The following GRIK4 variants were observed in gnomAD, a reference collection of about 807,000 sequenced individuals.
GRIK4 encodes glutamate ionotropic receptor kainate type subunit 4.
Under a neutral mutation model 104.9 loss-of-function variants are expected in GRIK4, and 40 were observed. That is an observed-to-expected ratio of 0.38 (90% CI 0.30 to 0.50). GRIK4 has a LOEUF of 0.50. Ranked by LOEUF, GRIK4 falls within the 20% of genes least tolerant of loss-of-function variation. The pLI, the probability that GRIK4 is intolerant of heterozygous loss-of-function variation, is 0.93. For missense variants in GRIK4, 1,047 were observed against 1,308.1 expected (o/e 0.80, Z 3.08); for synonymous variants, 485 against 524.9 (o/e 0.92, Z 1.04).
At chr11:120,918,420 A>G (rs1943156879) in intron 13 of GRIK4, among the ~76,000 whole-genome samples, 1 of 152,148 alleles carries the variant, frequency 6.6e-6, no homozygotes, top group South Asian at 2.1e-4. Context: ...TTTTACTTTC[A>G]TAGAGTTCAC....
At chr11:120,693,375 G>T (rs1286926866) in intron 3 of GRIK4, among the ~76,000 whole-genome samples, 1 of 152,140 alleles carries the variant, frequency 6.6e-6, no homozygotes, top group Non-Finnish European at 1.5e-5. Flanking sequence ...AAAGTGCTGG[G>T]ATTGCAGGCA....
chr11:120,858,477 G>A (rs1192204392), intron 8 of GRIK4: 1 of 152,202 alleles, frequency 6.6e-6, no homozygotes, highest in Non-Finnish European at 1.5e-5. Flanking sequence ...AAAACCCATA[G>A]TCCTGCTTTG....
chr11:120,646,478 G>A (rs1949544019), intron 1 of GRIK4, among the ~76,000 whole-genome samples: 1 of 152,160 alleles, frequency 6.6e-6, no homozygotes. Context: ...TGTGAGTGGA[G>A]GGAGTGGGGG....
intron 13 of GRIK4, among the ~76,000 whole-genome samples, chr11:120,925,770 C>T (rs1387502425): frequency 1.3e-5 from 2 of 151,944 alleles, no homozygotes; most frequent in East Asian, 1.9e-4. Context: ...CGGGAGTTCA[C>T]GACCAGTCTG....
At position 120,833,843 on chromosome 11, in the gene GRIK4, T is replaced by G. The variant is rs988798967; in HGVS notation, c.690+1813T>G. Among the ~76,000 whole-genome samples, 13 of 152,354 alleles carry G rather than the reference T, an allele frequency of 8.5e-5. 1 individual carries two copies. Among genetic ancestry groups the G allele is most frequent in the Middle Eastern group, 3.4e-3 (1 of 294 alleles). ...TTGTCATACTGCACAAACTTTTCTG[T>G]AAGCGCTTTTTGTCCACACTTAATT... On this transcript the variant is annotated intron_variant, in intron 7 of 20. Transcript: ENST00000527524.
chr11:120,929,022 CATGTGTGT>C (rs66799717), intron 13 of GRIK4, among the ~76,000 whole-genome samples: 24,438 of 148,996 alleles, frequency 0.16, 2,523 homozygotes, highest in East Asian at 0.32. Flanking sequence ...TGTGTGCGCA[CATGTGTGT>C]GTGTGTGTGT....
At chr11:120,578,263 G>A (rs1011865879) in intron 1 of GRIK4, among the ~76,000 whole-genome samples, 6 of 152,180 alleles carry the variant, frequency 3.9e-5, no homozygotes, top group Non-Finnish European at 5.9e-5. Flanking sequence ...GAACATGGAG[G>A]GATAGATGTG....
rs560538992 is a variant in GRIK4, at chr11:120,720,226, ACTT to A, written c.82+59829_82+59831del. On this transcript the variant is annotated intron_variant, in intron 3 of 20. Coordinates refer to ENST00000527524, the MANE Select transcript of GRIK4 (RefSeq NM_014619.5). The stretch of plus-strand genomic sequence containing the variant: ...GCTCATTGGCATGACCATTAGAACA[ACTT>A]CTGCTGGTCACAGTCACAGCGTATT... Among the ~76,000 whole-genome samples the A allele has an allele frequency of 2.2e-3, 333 of 152,210 alleles. 1 individual carries two copies. Among genetic ancestry groups the A allele is most frequent in the Middle Eastern group, 0.017 (5 of 294 alleles).
rs543941488 is a variant in GRIK4, at chr11:120,767,359, T to G, written c.83-35334T>G. On this transcript the variant is annotated intron_variant, in intron 3 of 20. Coordinates refer to ENST00000527524, the MANE Select transcript of GRIK4 (RefSeq NM_014619.5). ...TTTGTATGTATTCTTGGGAGAACCA[T>G]CTGTTTGGTCCTTTGCCCATTTTTA... 3.3e-5 allele frequency among the ~76,000 whole-genome samples: 5 copies of G among 152,354 alleles called. No homozygotes were observed. In the South Asian group the frequency reaches 6.2e-4, roughly 19 times the overall value.
At chr11:120,655,233 G>C (rs1949688486) in intron 2 of GRIK4, among the ~76,000 whole-genome samples, 1 of 151,778 alleles carries the variant, frequency 6.6e-6, no homozygotes, top group Non-Finnish European at 1.5e-5. Flanking sequence ...GAAGCCTCGA[G>C]GGGAGCTGAT....
At chr11:120,537,447 G>A (rs1044795486) in intron 1 of GRIK4, among the ~76,000 whole-genome samples, 4 of 152,118 alleles carry the variant, frequency 2.6e-5, no homozygotes, top group Admixed American at 6.5e-5. Flanking sequence ...CTCTTTATTG[G>A]GCATGAACAG....
chr11:120,858,647 AC>A (rs770829632), intron 8 of GRIK4, among the ~76,000 whole-genome samples: 3 of 152,112 alleles, frequency 2.0e-5, no homozygotes, highest in Non-Finnish European at 4.4e-5. Context: ...TGAGCATGGA[AC>A]CTTGTCTTCA....
intron 1 of GRIK4, among the ~76,000 whole-genome samples, chr11:120,643,062 A>G (rs1169143502): frequency 6.6e-6 from 1 of 152,170 alleles, no homozygotes; most frequent in African/African-American, 2.4e-5. Flanking sequence ...CCCACTATGT[A>G]TGGCAGGCAT....
At chr11:120,520,595 A>G (rs1947784524) in intron 1 of GRIK4, among the ~76,000 whole-genome samples, 1 of 152,162 alleles carries the variant, frequency 6.6e-6, no homozygotes, top group Admixed American at 6.5e-5. Context: ...TTAGGAGGTT[A>G]AAAGCAGTCC....
chr11:120,615,755 CTT>C, intron 1 of GRIK4, among the ~76,000 whole-genome samples: 1 of 152,322 alleles, frequency 6.6e-6, no homozygotes, highest in East Asian at 1.9e-4. Flanking sequence ...CCAGGATCCT[CTT>C]TAACTGGGTG....
chr11:120,820,316 AAAAG>A (rs1200340885), intron 6 of GRIK4, among the ~76,000 whole-genome samples: 1 of 152,150 alleles, frequency 6.6e-6, no homozygotes, highest in African/African-American at 2.4e-5. Flanking sequence ...AGGAGATACA[AAAAG>A]AGAGAGAGGG....
intron 3 of GRIK4, among the ~76,000 whole-genome samples, chr11:120,724,713 T>A (rs1370201059): frequency 1.3e-5 from 2 of 152,222 alleles, no homozygotes; most frequent in Admixed American, 1.3e-4. Flanking sequence ...AAATTCAGAG[T>A]AATTTTTGTC....
At chr11:120,841,464 A>C (rs763800199) in intron 8 of GRIK4, among the ~76,000 whole-genome samples, 2 of 152,250 alleles carry the variant, frequency 1.3e-5, no homozygotes, top group Non-Finnish European at 2.9e-5. Context: ...CAAATAATAT[A>C]CTATGTGTGT....
intron 1 of GRIK4, among the ~76,000 whole-genome samples, chr11:120,516,374 G>A (rs1215737839): frequency 1.3e-5 from 2 of 152,192 alleles, no homozygotes; most frequent in Non-Finnish European, 2.9e-5. Context: ...TGTGCAGGCA[G>A]GATGAGGGGA....
Sources: allele counts gnomAD v4.1 joint callset (sites outside exome capture counted in the v4.1 genomes callset), GRCh38; gene constraint gnomAD v4.1.1; transcripts MANE v1.5; gene names NCBI Gene and HGNC (gene_info 2026-07-23, HGNC 2026-07-21).